The following APP variants were observed in gnomAD, a reference collection of about 807,000 sequenced individuals.
APP encodes the protein amyloid-beta precursor protein.
APP carries 31 observed loss-of-function variants against 101.4 expected under a neutral mutation model. The observed-to-expected ratio is 0.31, with a 90% CI of 0.23 to 0.41. The LOEUF (loss-of-function observed/expected upper bound fraction) is 0.41, where lower values mean the gene tolerates loss of function less well. Among genes scored for constraint, APP ranks in the 10% least tolerant of loss-of-function variants. APP has a pLI of 1.00. For synonymous variants in APP, 366 were observed against 364.4 expected, an observed-to-expected ratio of 1.00 and a Z score of -0.05; for missense variants, 839 against 1,003.7, an observed-to-expected ratio of 0.84 and a Z score of 2.22.
intron 5 of APP, among the ~76,000 whole-genome samples, chr21:26,035,756 G>GGA (rs1244882974): frequency 6.6e-6 from 1 of 152,134 alleles, no homozygotes; most frequent in Admixed American, 6.5e-5. Context: ...CATGTGTCAG[G>GGA]GAGAGAGAAC....
intron 13 of APP, 149 bp downstream of exon 13, chr21:25,954,441 G>C: frequency 1.4e-6 from 1 of 736,650 alleles, no homozygotes; most frequent in Non-Finnish European, 2.4e-6. Context: ...GCTAAGGCTA[G>C]TAAGCTAGTT....
intron 13 of APP, among the ~76,000 whole-genome samples, chr21:25,932,402 T>A (rs2040186029): frequency 6.6e-6 from 1 of 152,148 alleles, no homozygotes; most frequent in African/African-American, 2.4e-5. Flanking sequence ...GAAAGTACGA[T>A]CCATTCGACA....
chr21:26,164,433 C>G (rs1364800295), intron 1 of APP, among the ~76,000 whole-genome samples: 3 of 152,214 alleles, frequency 2.0e-5, no homozygotes, highest in African/African-American at 7.2e-5. Context: ...TTGGCAAAGC[C>G]TGTTTATTCG....
intron 13 of APP, among the ~76,000 whole-genome samples, chr21:25,923,236 G>C (rs1157056658): frequency 4.1e-5 from 5 of 122,736 alleles, no homozygotes; most frequent in Admixed American, 8.3e-5. Flanking sequence ...AATTCAAGAT[G>C]GATTAAAGAT....
At chr21:26,152,830 G>C (rs1490003898) in intron 1 of APP, among the ~76,000 whole-genome samples, 3 of 152,162 alleles carry the variant, frequency 2.0e-5, no homozygotes, top group Non-Finnish European at 4.4e-5. Context: ...GTATGAAAAA[G>C]ACACTTGTAC....
At chr21:25,924,550 G>A (rs1200016057) in intron 13 of APP, among the ~76,000 whole-genome samples, 1 of 151,580 alleles carries the variant, frequency 6.6e-6, no homozygotes, top group Admixed American at 6.6e-5. Context: ...CTCATAAGTG[G>A]GAGCTGAACA....
chr21:25,997,536 T>C (rs930161515), intron 7 of APP, 120 bp from the exon 8 acceptor site: 13 of 882,900 alleles, frequency 1.5e-5, no homozygotes, highest in Non-Finnish European at 2.2e-5. Flanking sequence ...TCACTTAGGT[T>C]TGGTCCCTCC....
At chr21:26,164,137 C>A (rs544814156) in intron 1 of APP, among the ~76,000 whole-genome samples, 4 of 152,138 alleles carry the variant, frequency 2.6e-5, no homozygotes, top group African/African-American at 7.2e-5. Context: ...CCCAGCTACT[C>A]GGGAGGCTGA....
chr21:25,912,876 A>G (rs1377949289), intron 13 of APP, among the ~76,000 whole-genome samples: 1 of 151,468 alleles, frequency 6.6e-6, no homozygotes, highest in Non-Finnish European at 1.5e-5. Context: ...CAGGATATGA[A>G]GATTTGTGAG....
chr21:26,017,850 T>C (rs2044170535), intron 6 of APP, among the ~76,000 whole-genome samples: 1 of 152,208 alleles, frequency 6.6e-6, no homozygotes, highest in Admixed American at 6.5e-5. Context: ...CTTATTCCAC[T>C]AGACCAATAA....
chr21:25,934,055 A>T (rs961295991), intron 13 of APP: 2 of 152,196 alleles, frequency 1.3e-5, no homozygotes, highest in Non-Finnish European at 2.9e-5. Flanking sequence ...GTGGGCCCTT[A>T]ATCATATTAG....
intron 13 of APP, among the ~76,000 whole-genome samples, chr21:25,921,016 A>G (rs1034697065): frequency 4.1e-5 from 6 of 147,096 alleles, no homozygotes; most frequent in Admixed American, 6.7e-5. Context: ...AACAGAAATT[A>G]TAACAAACTA....
At chr21:25,997,182 T>G in intron 8 of APP, 178 bp downstream of exon 8, 1 of 647,190 alleles carries the variant, frequency 1.5e-6, no homozygotes, top group East Asian at 2.7e-5. Flanking sequence ...GCCCAACATC[T>G]CAAGCTGTCT....
chr21:26,055,769 T>C (rs1483598525), intron 3 of APP, among the ~76,000 whole-genome samples: 1 of 152,162 alleles, frequency 6.6e-6, no homozygotes, highest in Non-Finnish European at 1.5e-5. Flanking sequence ...CATGTACAAA[T>C]AGGTCAAAGA....
chr21:25,997,198 A>C, intron 8 of APP, 162 bp downstream of exon 8: 1 of 697,144 alleles, frequency 1.4e-6, no homozygotes, highest in East Asian at 2.7e-5. Flanking sequence ...TGTCTGGCAA[A>C]ATCAGATGTA....
intron 16 of APP, among the ~76,000 whole-genome samples, chr21:25,894,776 T>C (rs911618890): frequency 5.9e-5 from 9 of 152,244 alleles, no homozygotes; most frequent in Non-Finnish European, 1.0e-4. Context: ...ATAAACTCGA[T>C]GAAGCAGTGG....
At chr21:26,112,409 A>G (rs1032893744) in intron 1 of APP, among the ~76,000 whole-genome samples, 5 of 152,224 alleles carry the variant, frequency 3.3e-5, no homozygotes, top group African/African-American at 1.2e-4. Context: ...AAAAATTTAC[A>G]CGTTTTCCCA....
At chr21:25,911,528 A>G (rs2039067180) in intron 14 of APP, among the ~76,000 whole-genome samples, 1 of 152,236 alleles carries the variant, frequency 6.6e-6, no homozygotes, top group Non-Finnish European at 1.5e-5. Flanking sequence ...TAAAAAATAT[A>G]AAGAATAATT....
At chr21:25,987,108 T>C (rs1024962639) in intron 8 of APP, among the ~76,000 whole-genome samples, 5 of 152,258 alleles carry the variant, frequency 3.3e-5, no homozygotes, top group African/African-American at 1.2e-4. Flanking sequence ...AACAACCATA[T>C]GCTTTGTTAT....
Sources: allele counts gnomAD v4.1 joint callset (sites outside exome capture counted in the v4.1 genomes callset), GRCh38; gene constraint gnomAD v4.1.1; transcripts MANE v1.5; gene names NCBI Gene and HGNC (gene_info 2026-07-23, HGNC 2026-07-21).